Variants in NEK6 observed in about 807,000 individuals in gnomAD.
NEK6 encodes NIMA related kinase 6, also known as serine/threonine-protein kinase Nek6.
A neutral mutation model predicts 43.5 loss-of-function variants in NEK6; 27 were observed. That is an observed-to-expected ratio of 0.62 (90% CI 0.46 to 0.86). NEK6 has a LOEUF of 0.86. Among genes scored for constraint, NEK6 ranks in the 40% least tolerant of loss-of-function variants. The pLI, the probability that NEK6 is intolerant of heterozygous loss-of-function variation, is 0.00. For missense variants in NEK6, 318 were observed against 414.4 expected, an observed-to-expected ratio of 0.77 and a Z score of 2.02; for synonymous variants, 167 against 164.1, an observed-to-expected ratio of 1.02 and a Z score of -0.14.
chr9:124,280,857 A>C (rs1287271020), intron 1 of NEK6, among the ~76,000 whole-genome samples: 1 of 151,902 alleles, frequency 6.6e-6, no homozygotes, highest in East Asian at 1.9e-4. Context: ...TAGTGTCGTG[A>C]TCTCGGCTCA....
In NEK6 at chr9:124,346,190, CCA is replaced by C. The variant is rs148434729; in HGVS notation, c.718-1516_718-1515del. Among the ~76,000 whole-genome samples the C allele has an allele frequency of 9.2e-5, 14 of 152,302 alleles. No individual in the cohort carries two copies. The East Asian group carries it at 2.5e-3, about 27-fold the overall frequency. Reference sequence around the variant, plus strand: ...TGCTGAACCTGGGGCTGAGGAAAGCCCACAGTCTCCAGGCTGCACTCAGCAGC... The same window carrying C: ...TGCTGAACCTGGGGCTGAGGAAAGCCCAGTCTCCAGGCTGCACTCAGCAGC... On this transcript the variant is annotated intron_variant, in intron 8 of 9. Coordinates refer to ENST00000320246, the MANE Select transcript of NEK6 (RefSeq NM_014397.6).
intron 7 of NEK6, among the ~76,000 whole-genome samples, chr9:124,331,817 G>A (rs530064872): frequency 3.5e-4 from 53 of 152,356 alleles, no homozygotes; most frequent in African/African-American, 1.1e-3. Flanking sequence ...ACACCTGTCC[G>A]TGCAGGTGCG....
At chr9:124,302,963 G>A (rs1833068875) in intron 2 of NEK6, among the ~76,000 whole-genome samples, 1 of 152,252 alleles carries the variant, frequency 6.6e-6, no homozygotes, top group African/African-American at 2.4e-5. Context: ...ACCCACTTGG[G>A]ACGGGGCTGT....
Position 124,289,189 on chromosome 9 carries a change from A to G in NEK6, c.-29-12747A>G, listed in dbSNP as rs60970263. ...GACACCCCCCCCGCCCCCCCCCGCCACACACACACACACACACACACACAC... is the reference window on the plus strand; with the variant it reads ...GACACCCCCCCCGCCCCCCCCCGCCGCACACACACACACACACACACACAC... On this transcript the variant is annotated intron_variant, in intron 1 of 9. Transcript: ENST00000320246. Among the ~76,000 whole-genome samples the G allele has an allele frequency of 2.0e-3, 6 of 2,928 alleles. 1 individual carries two copies. Among genetic ancestry groups the G allele is most frequent in the African/African-American group, 9.9e-3 (6 of 608 alleles). The allele number at this position is 2,928 out of a possible 152,430, so 1.9% of individuals were successfully genotyped here.
intron 1 of NEK6, among the ~76,000 whole-genome samples, chr9:124,289,646 A>G (rs1275371837): frequency 1.3e-5 from 2 of 152,178 alleles, no homozygotes; most frequent in Non-Finnish European, 2.9e-5. Context: ...TCCCTTAGCA[A>G]TTCCAGACCG....
chr9:124,319,435 C>T (rs1833963029), intron 4 of NEK6, among the ~76,000 whole-genome samples: 2 of 152,078 alleles, frequency 1.3e-5, no homozygotes, highest in South Asian at 4.1e-4. Flanking sequence ...TTTCATTTGC[C>T]ATGCAGAAGC....
intron 1 of NEK6, among the ~76,000 whole-genome samples, chr9:124,258,586 C>T (rs1423779435): frequency 6.6e-6 from 1 of 152,188 alleles, no homozygotes; most frequent in Admixed American, 6.5e-5. Flanking sequence ...GTGTGCAGGG[C>T]CGTGCGAGCG....
chr9:124,319,461 TG>T (rs1369319012), intron 4 of NEK6, among the ~76,000 whole-genome samples: 1 of 152,254 alleles, frequency 6.6e-6, no homozygotes, highest in Non-Finnish European at 1.5e-5. Flanking sequence ...CATTTAATTA[TG>T]TCCCACTTGT....
chr9:124,328,095 G>C (rs537345660), intron 7 of NEK6, among the ~76,000 whole-genome samples: 1 of 152,304 alleles, frequency 6.6e-6, no homozygotes, highest in African/African-American at 2.4e-5. Flanking sequence ...TGGGTCGGGG[G>C]GTGCTGAAGG....
upstream of NEK6, chr9:124,257,661 CT>C: frequency 6.6e-7 from 1 of 1,525,838 alleles, no homozygotes; most frequent in East Asian, 2.5e-5. Context: ...GGTTGGCTGA[CT>C]GCAGACCCTC....
In NEK6 at chr9:124,309,691, A is replaced by G. The variant is rs138309940; in HGVS notation, c.91-2818A>G. Among the ~76,000 whole-genome samples, 64 of 152,380 alleles carry G rather than the reference A, an allele frequency of 4.2e-4. 1 individual carries two copies. In the East Asian group the frequency reaches 6.9e-3, roughly 17 times the overall value. On this transcript the variant is annotated intron_variant, in intron 2 of 9. Coordinates refer to ENST00000320246, the MANE Select transcript of NEK6 (RefSeq NM_014397.6). ...GAAACTAGCACATAGTAGGCGTCTA[A>G]CGTACAACACCTCATGGTTATTTTT...
At chr9:124,349,573 C>T (rs1224692559) in intron 9 of NEK6, among the ~76,000 whole-genome samples, 2 of 152,216 alleles carry the variant, frequency 1.3e-5, no homozygotes, top group South Asian at 2.1e-4. Flanking sequence ...AAAGTTATAT[C>T]GCTGCTTAGA....
intron 4 of NEK6, 139 bp from the exon 5 acceptor site, chr9:124,321,320 T>C (rs1834053901): frequency 1.6e-6 from 1 of 610,632 alleles, no homozygotes; most frequent in African/African-American, 1.8e-5. Flanking sequence ...GCACAGGCCT[T>C]TCTTTCCCTG....
intron 8 of NEK6, 112 bp from the exon 9 acceptor site, chr9:124,347,597 G>C (rs1182146725): frequency 4.9e-6 from 3 of 606,144 alleles, no homozygotes; most frequent in East Asian, 5.9e-5. Context: ...GACTCGCCGC[G>C]GTCGGGACCA....
Position 124,352,133 on chromosome 9 carries a change from A to AGTT in NEK6, c.*1187_*1189dup, listed in dbSNP as rs1830306390. The AGTT allele has an allele frequency of 6.5e-6, 1 of 152,682 alleles. No individual in the cohort carries two copies. Among genetic ancestry groups the AGTT allele is most frequent in the African/African-American group, 2.4e-5 (1 of 41,462 alleles). 9.5% of individuals were successfully genotyped at this position (152,682 alleles called of 1,614,324 possible). On this transcript the variant is annotated 3_prime_UTR_variant, in exon 10 of 10. Coordinates refer to ENST00000320246, the MANE Select transcript of NEK6 (RefSeq NM_014397.6). ...ATTTGAATTTTGTTTTTGTACGTAA[A>AGTT]GTTAACCTTCCAATTGTCTGAGCTG...
intron 1 of NEK6, among the ~76,000 whole-genome samples, chr9:124,268,094 T>C (rs1224032991): frequency 6.6e-6 from 1 of 152,166 alleles, no homozygotes; most frequent in South Asian, 2.1e-4. Flanking sequence ...GTCCTGAAAA[T>C]TTCAGGACAT....
intron 7 of NEK6, among the ~76,000 whole-genome samples, chr9:124,327,649 AC>A (rs1402863856): frequency 1.3e-5 from 2 of 151,478 alleles, no homozygotes; most frequent in African/African-American, 4.9e-5. Flanking sequence ...GGCTTCCCAC[AC>A]CCCCTGATCA....
At chr9:124,257,921 G>T, upstream of NEK6, 1 of 968,994 alleles carries the variant, frequency 1.0e-6, no homozygotes, top group Non-Finnish European at 1.2e-6. Context: ...GGGGAGGGGC[G>T]GGCGCGCGGG....
chr9:124,298,858 C>T (rs779004934), intron 1 of NEK6, among the ~76,000 whole-genome samples: 2 of 152,170 alleles, frequency 1.3e-5, no homozygotes, highest in Non-Finnish European at 2.9e-5. Flanking sequence ...AGGTGAAGAG[C>T]GTAGGGCAGG....
Sources: gnomAD v4.1 joint callset for allele counts (sites outside exome capture counted in the v4.1 genomes callset) on GRCh38, gnomAD v4.1.1 for gene constraint, MANE v1.5 for transcripts, NCBI Gene and HGNC (gene_info 2026-07-23, HGNC 2026-07-21) for gene names.